The following OR1L8 variants were observed in gnomAD, a reference collection of about 807,000 sequenced individuals.
OR1L8 encodes the protein olfactory receptor 1L8.
For synonymous variants in OR1L8, 148 were observed against 147.0 expected (o/e 1.01, Z -0.05); for missense variants, 330 against 377.4 (o/e 0.87, Z 1.04).
chr9:122,579,861 A>T (rs1316801625), intron 1 of OR1L8, among the ~76,000 whole-genome samples: 2 of 152,218 alleles, frequency 1.3e-5, no homozygotes, highest in African/African-American at 4.8e-5. Flanking sequence ...TGGAAATGTT[A>T]TAGAATCACA....
At position 122,568,455 on chromosome 9, in the gene OR1L8, C is replaced by G. The variant is rs376963168; in HGVS notation, c.23G>C (p.Ser8Thr). ...CAGGAGGATAAACTCGGAGACACTGCTGGTGTGGTTGATTCTTTCCATTGA... is the reference window on the plus strand; with the variant it reads ...CAGGAGGATAAACTCGGAGACACTGGTGGTGTGGTTGATTCTTTCCATTGA... MERINHTSSVSEFILLGL... is the reference protein window; with the variant it reads MERINHTTSVSEFILLGL... Residue 8 changes from serine to threonine, a missense_variant, in exon 5 of 5, where the codon AGC becomes ACC. By Grantham distance (58) the Ser-to-Thr change is moderately conservative. Transcript: ENST00000641027. 6.3e-7 allele frequency: 1 copy of G among 1,597,014 alleles called. No homozygotes were observed. Among genetic ancestry groups the G allele is most frequent in the Non-Finnish European group, 8.5e-7 (1 of 1,171,632 alleles).
At chr9:122,578,986 A>AAAG (rs57719953) in intron 1 of OR1L8, among the ~76,000 whole-genome samples, 133,819 of 151,250 alleles carry the variant, frequency 0.88, 59,307 homozygotes, top group East Asian at 0.98. Flanking sequence ...AATTACCACT[A>AAAG]AACTTATTCA....
chr9:122,572,035 G>A (rs1019505113), intron 4 of OR1L8, among the ~76,000 whole-genome samples: 4 of 152,182 alleles, frequency 2.6e-5, no homozygotes, highest in African/African-American at 9.7e-5. Flanking sequence ...ATGGTGGAAG[G>A]CAAAGCCGGA....
intron 4 of OR1L8, among the ~76,000 whole-genome samples, chr9:122,570,201 G>A (rs1424753894): frequency 6.7e-6 from 1 of 150,120 alleles, no homozygotes; most frequent in East Asian, 1.9e-4. Flanking sequence ...ACCCAGTAAT[G>A]GGATGGCTGG....
At chr9:122,553,714 G>A in the OR1L8 span, 91 of 1,613,826 alleles carry the variant, frequency 5.6e-5, no homozygotes, top group Admixed American at 8.3e-5. Context: ...TTGCTGACCC[G>A]CGTGGCTTTC....
At chr9:122,552,882 A>G in the OR1L8 span, among the ~76,000 whole-genome samples, 3 of 151,612 alleles carry the variant, frequency 2.0e-5, no homozygotes, top group Non-Finnish European at 4.4e-5. Flanking sequence ...CTTGCCATCA[A>G]GCTATTCTCA....
chr9:122,553,363 C>A, the OR1L8 span: 4 of 1,613,960 alleles, frequency 2.5e-6, no homozygotes, highest in Non-Finnish European at 3.4e-6. Flanking sequence ...ATTATCCTGG[C>A]CATCAGCTCT....
the OR1L8 span, chr9:122,553,310 C>A: frequency 6.2e-7 from 1 of 1,614,034 alleles, no homozygotes; most frequent in Non-Finnish European, 8.5e-7. Flanking sequence ...TGTTTGGCAT[C>A]TTCCTTGGCA....
intron 4 of OR1L8, among the ~76,000 whole-genome samples, chr9:122,569,828 C>T (rs10818719): frequency 2.6e-5 from 4 of 151,380 alleles, no homozygotes; most frequent in African/African-American, 9.7e-5. Context: ...ATCCCTCCCC[C>T]CTGCCCCCAC....
intron 3 of OR1L8, among the ~76,000 whole-genome samples, chr9:122,575,433 A>G (rs74733208): frequency 0.05 from 7,539 of 152,092 alleles, 295 homozygotes; most frequent in South Asian, 0.17. Flanking sequence ...TTGACATATC[A>G]TGTCTTTCAA....
chr9:122,557,231 T>C, the OR1L8 span, among the ~76,000 whole-genome samples: 47 of 152,168 alleles, frequency 3.1e-4, no homozygotes, highest in African/African-American at 1.1e-3. Context: ...TCTTGTCTTA[T>C]GCATTACTAG....
chr9:122,574,183 C>T (rs913316284), intron 3 of OR1L8, among the ~76,000 whole-genome samples: 7 of 152,236 alleles, frequency 4.6e-5, no homozygotes, highest in African/African-American at 1.4e-4. Flanking sequence ...GACTTGGCTA[C>T]TCTGGGTCTT....
Position 122,581,322 on chromosome 9 carries a change from C to T in OR1L8, c.-600+1999G>A, listed in dbSNP as rs773167450. Among the ~76,000 whole-genome samples, 11 of 151,940 alleles carry T rather than the reference C, an allele frequency of 7.2e-5. No individual in the cohort carries two copies. In the South Asian group the frequency reaches 1.2e-3, roughly 17 times the overall value. On this transcript the variant is annotated intron_variant, in intron 1 of 4. Coordinates refer to ENST00000641027, the MANE Select transcript of OR1L8 (RefSeq NM_001004454.2). ...CGGCGGTTGTAGTGAGCCGAGATGG[C>T]GCCACTGCACTCCAGCCTGGCGACA...
chr9:122,576,065 C>A (rs1422897089), intron 3 of OR1L8, among the ~76,000 whole-genome samples: 1 of 152,164 alleles, frequency 6.6e-6, no homozygotes, highest in Non-Finnish European at 1.5e-5. Context: ...ATGGAAAGAT[C>A]TACTTCTTTA....
the OR1L8 span, among the ~76,000 whole-genome samples, chr9:122,551,645 C>G: frequency 6.6e-6 from 1 of 152,186 alleles, no homozygotes; most frequent in Non-Finnish European, 1.5e-5. Context: ...ATCACATTCC[C>G]GAGACCCACA....
At chr9:122,551,370 T>C in the OR1L8 span, among the ~76,000 whole-genome samples, 11 of 152,216 alleles carry the variant, frequency 7.2e-5, no homozygotes, top group Non-Finnish European at 1.3e-4. Flanking sequence ...TATGAGGCAC[T>C]ATGGCTGGTG....
chr9:122,568,124 G>C lies in OR1L8; in HGVS notation c.354C>G (p.Val118=), dbSNP rs1829469655. 6.2e-7 allele frequency: 1 copy of C among 1,613,990 alleles called. No individual in the cohort carries two copies. Among genetic ancestry groups the C allele is most frequent in the Non-Finnish European group, 8.5e-7 (1 of 1,179,992 alleles). Residue 118 remains valine, a synonymous_variant, in exon 5 of 5, where the codon GTC becomes GTG. Transcript: ENST00000641027. ...LGNSDSCLLA[V]MAFDRYVAVC... is the part of the protein sequence containing the mutation. Reference sequence around the variant, plus strand: ...CGGCCACATAGCGGTCAAAGGCCATGACTGCCAGAAGGCAGCTGTCACTGT... The same window carrying C: ...CGGCCACATAGCGGTCAAAGGCCATCACTGCCAGAAGGCAGCTGTCACTGT...
chr9:122,547,058 G>T, the OR1L8 span, among the ~76,000 whole-genome samples: 1 of 151,784 alleles, frequency 6.6e-6, no homozygotes, highest in Non-Finnish European at 1.5e-5. Context: ...CCTGCTATTA[G>T]CTGTAATCAA....
chr9:122,559,435 C>G, the OR1L8 span, among the ~76,000 whole-genome samples: 23 of 152,122 alleles, frequency 1.5e-4, no homozygotes, highest in East Asian at 3.1e-3. Flanking sequence ...AATTTTAGAT[C>G]TTTCCTGCTT....
Sources: gnomAD v4.1 joint callset for allele counts (sites outside exome capture counted in the v4.1 genomes callset) on GRCh38, gnomAD v4.1.1 for gene constraint, MANE v1.5 for transcripts, NCBI Gene and HGNC (gene_info 2026-07-23, HGNC 2026-07-21) for gene names.